Variants in AEN observed in about 807,000 individuals in gnomAD.
The protein encoded by AEN is apoptosis enhancing nuclease, also known as apoptosis-enhancing nuclease.
In AEN, 21 loss-of-function variants were observed where a neutral mutation model predicts 17.7. The observed-to-expected ratio is 1.19, with a 90% CI of 0.84 to 1.71. The LOEUF (loss-of-function observed/expected upper bound fraction) is 1.71, where lower values mean the gene tolerates loss of function less well. Among genes scored for constraint, AEN ranks in the 40% most tolerant of loss-of-function variants. The pLI, the probability that AEN is intolerant of heterozygous loss-of-function variation, is 0.00. For synonymous variants in AEN, 190 were observed against 173.0 expected (o/e 1.10, Z -0.77); for missense variants, 462 against 435.9 (o/e 1.06, Z -0.53).
the AEN span, among the ~76,000 whole-genome samples, chr15:88,611,509 A>G: frequency 6.6e-6 from 1 of 151,648 alleles, no homozygotes; most frequent in Non-Finnish European, 1.5e-5. Context: ...AATCACTTGA[A>G]CACTCGAGTC....
intron 1 of AEN, among the ~76,000 whole-genome samples, chr15:88,623,550 G>T (rs2057814058): frequency 6.6e-6 from 1 of 152,222 alleles, no homozygotes; most frequent in Non-Finnish European, 1.5e-5. Flanking sequence ...GCTCTAACCT[G>T]CCTTCTTACA....
At position 88,629,598 on chromosome 15, in the gene AEN, G is replaced by C. The variant is rs557772829; in HGVS notation, c.741+172G>C. On this transcript the variant is annotated intron_variant, in intron 3 of 3. Coordinates refer to ENST00000332810, the MANE Select transcript of AEN (RefSeq NM_022767.4). ...CTCCCTCCTGTACACGCAGCTCCAG[G>C]TGTTTCTCTCCATGATCCTTCTTCC... Among the ~76,000 whole-genome samples the C allele has an allele frequency of 5.3e-5, 8 of 152,278 alleles. No individual in the cohort carries two copies. The East Asian group carries it at 1.5e-3, about 29-fold the overall frequency.
chr15:88,605,846 G>A, the AEN span, among the ~76,000 whole-genome samples: 1 of 152,232 alleles, frequency 6.6e-6, no homozygotes, highest in African/African-American at 2.4e-5. This position sits in a 1 kb window ranked among gnomAD's most constrained non-coding sequence, Gnocchi z 7.6. Context: ...CCCGGCCCTA[G>A]GGTGCCCATG....
In AEN at chr15:88,631,482, G is replaced by T; in HGVS notation, c.*1188G>T. ...CCATCTTTGCTTGCAGCTTAGCTTT[G>T]AGATACTAAGCAAGCGAGGGACTTC... On this transcript the variant is annotated 3_prime_UTR_variant, in exon 4 of 4. Transcript: ENST00000332810. 4.4e-6 allele frequency: 1 copy of T among 228,104 alleles called. No homozygotes were observed. The highest frequency in any genetic ancestry group is 5.8e-5 in the South Asian group (1 of 17,120). 14.1% of individuals were successfully genotyped at this position (228,104 alleles called of 1,614,324 possible).
intron 3 of AEN, 83 bp from the exon 4 acceptor site, chr15:88,629,975 C>G: frequency 7.6e-7 from 1 of 1,314,374 alleles, no homozygotes. Flanking sequence ...GCACAAAGAG[C>G]CCTGGGAAAC....
intron 1 of AEN, among the ~76,000 whole-genome samples, chr15:88,625,150 C>T (rs756819773): frequency 2.3e-4 from 35 of 152,314 alleles, no homozygotes; most frequent in Non-Finnish European, 4.9e-4. Flanking sequence ...CAGAAATCTG[C>T]AAGCACTTCA....
chr15:88,611,820 C>T, the AEN span: 1 of 507,638 alleles, frequency 2.0e-6, no homozygotes, highest in Non-Finnish European at 4.0e-6. Flanking sequence ...CCTTGCAGAA[C>T]TGGCCTGGAT....
chr15:88,617,407 C>T (rs1286127682), upstream of AEN, among the ~76,000 whole-genome samples: 1 of 152,108 alleles, frequency 6.6e-6, no homozygotes, highest in African/African-American at 2.4e-5. Context: ...GTGCCCACGA[C>T]CATACCTAGG....
chr15:88,607,571 A>G, the AEN span, among the ~76,000 whole-genome samples: 2 of 152,186 alleles, frequency 1.3e-5, no homozygotes, highest in African/African-American at 4.8e-5. Context: ...AACAACAACA[A>G]AAAGAAGTTT....
chr15:88,608,180 A>G, the AEN span: 52 of 531,212 alleles, frequency 9.8e-5, 1 homozygote, highest in South Asian at 7.3e-4. Flanking sequence ...GATGCCATTT[A>G]TCCTTTTCTG....
At chr15:88,622,818 TTTC>T (rs1035508327) in intron 1 of AEN, among the ~76,000 whole-genome samples, 12 of 152,302 alleles carry the variant, frequency 7.9e-5, no homozygotes, top group African/African-American at 2.6e-4. Flanking sequence ...TGCTTCCTTG[TTTC>T]TTCTTAAAAC....
chr15:88,614,603 G>C, the AEN span, among the ~76,000 whole-genome samples: 4 of 152,110 alleles, frequency 2.6e-5, no homozygotes, highest in East Asian at 7.7e-4. Flanking sequence ...TGCATCAACC[G>C]GGTTTACGAA....
Position 88,630,188 on chromosome 15 carries a change from ACAG to A in AEN, c.878_880del (p.Ser293del), listed in dbSNP as rs748751911. On this transcript the variant is annotated inframe_deletion, in exon 4 of 4. Transcript: ENST00000332810. The surrounding 1 kb of genome is among the most constrained non-coding windows in gnomAD (Gnocchi z 5.1). ...ACCTGCCCCGAGGACAGAGAACCTG[ACAG>A]CAGCACAGACATGGAACAGTACATG... 25 of 1,613,160 alleles carry A rather than the reference ACAG, an allele frequency of 1.5e-5. No individual in the cohort carries two copies. The highest frequency in any genetic ancestry group is 2.2e-5 in the South Asian group (2 of 90,926).
upstream of AEN, among the ~76,000 whole-genome samples, chr15:88,616,628 A>AT (rs1324403498): frequency 4.6e-5 from 7 of 152,154 alleles, no homozygotes; most frequent in African/African-American, 1.4e-4. Context: ...TTACTTAGCA[A>AT]TTTTTTTATG....
At chr15:88,629,504 G>A in intron 3 of AEN, 78 bp downstream of exon 3, 1 of 1,515,044 alleles carries the variant, frequency 6.6e-7, no homozygotes, top group Non-Finnish European at 9.0e-7. Context: ...ACAAGGCTTT[G>A]GGCTGTGTCT....
Position 88,630,179 on chromosome 15 carries a change from G to C in AEN, c.863G>C (p.Arg288Thr), listed in dbSNP as rs996141778. 6.2e-7 allele frequency: 1 copy of C among 1,613,636 alleles called. No homozygotes were observed. The highest frequency in any genetic ancestry group is 1.1e-5 in the South Asian group (1 of 90,998). The stretch of plus-strand genomic sequence containing the variant: ...AGCCTCTGGACCTGCCCCGAGGACA[G>C]AGAACCTGACAGCAGCACAGACATG... ...ARSLWTCPED[R>T]EPDSSTDMEQ... Residue 288 changes from arginine (R) to threonine (T), a missense_variant, in exon 4 of 4, where the codon AGA becomes ACA. Coordinates refer to ENST00000332810, the MANE Select transcript of AEN (RefSeq NM_022767.4). The surrounding 1 kb of genome is among the most constrained non-coding windows in gnomAD (Gnocchi z 5.1).
At chr15:88,611,972 C>T in the AEN span, 52 of 457,648 alleles carry the variant, frequency 1.1e-4, no homozygotes, top group African/African-American at 8.6e-4. Context: ...CCCTTTTTGG[C>T]TATCCTTCCA....
At chr15:88,627,613 A>AG (rs1246398942) in intron 2 of AEN, 5 of 152,188 alleles carry the variant, frequency 3.3e-5, no homozygotes, top group Non-Finnish European at 5.9e-5. Flanking sequence ...AAGTGGTTGA[A>AG]GGAGAGTTCT....
At position 88,623,332 on chromosome 15, in the gene AEN, C is replaced by T. The variant is rs145961068; in HGVS notation, c.-65+1950C>T. ...ATGAGTCAAGTCAGGATGCGGTGCC[C>T]TGCCCTAGAGTGTGGGGATTCTTTA... On this transcript the variant is annotated intron_variant, in intron 1 of 3. Coordinates refer to ENST00000332810, the MANE Select transcript of AEN (RefSeq NM_022767.4). 4.0e-3 allele frequency among the ~76,000 whole-genome samples: 608 copies of T among 152,302 alleles called. 1 individual carries two copies. The highest frequency in any genetic ancestry group is 5.2e-3 in the Non-Finnish European group (352 of 68,018).
Sources: gnomAD v4.1 joint callset for allele counts (sites outside exome capture counted in the v4.1 genomes callset) on GRCh38, gnomAD v4.1.1 for gene constraint, Gnocchi (gnomAD v3.1) non-coding constraint, MANE v1.5 for transcripts, NCBI Gene and HGNC (gene_info 2026-07-23, HGNC 2026-07-21) for gene names.